Variants in ADGRB3 observed in about 807,000 individuals in gnomAD.
ADGRB3 encodes adhesion G protein-coupled receptor B3.
Under a neutral mutation model 193.4 loss-of-function variants are expected in ADGRB3, and 37 were observed. The ratio of observed to expected loss-of-function variants is 0.19; its 90% confidence interval spans 0.15 to 0.25. The LOEUF (loss-of-function observed/expected upper bound fraction) is 0.25. ADGRB3 is among the 10% of genes least tolerant of loss of function. The pLI, the probability that ADGRB3 is intolerant of heterozygous loss-of-function variation, is 1.00. For synonymous variants in ADGRB3, 690 were observed against 644.2 expected (o/e 1.07, Z -1.08); for missense variants, 1,637 against 1,852.9 (o/e 0.88, Z 2.14).
chr6:69,034,894 G>C (rs1260338896), intron 13 of ADGRB3, among the ~76,000 whole-genome samples: 1 of 151,790 alleles, frequency 6.6e-6, no homozygotes, highest in Non-Finnish European at 1.5e-5. Context: ...TGTGTTTGTG[G>C]GGTTGGAGAG....
chr6:68,738,966 G>A (rs1391781832), intron 3 of ADGRB3, among the ~76,000 whole-genome samples: 3 of 152,110 alleles, frequency 2.0e-5, no homozygotes, highest in East Asian at 1.9e-4. Context: ...TACAGGAAAG[G>A]AGACTAACAT....
chr6:69,060,649 C>T (rs1771721590), intron 15 of ADGRB3, among the ~76,000 whole-genome samples: 2 of 151,800 alleles, frequency 1.3e-5, no homozygotes, highest in Non-Finnish European at 2.9e-5. Flanking sequence ...TAAAGAGAAC[C>T]AGAATAAAGA....
intron 3 of ADGRB3, among the ~76,000 whole-genome samples, chr6:68,771,365 T>G: frequency 6.8e-6 from 1 of 148,002 alleles, no homozygotes; most frequent in African/African-American, 2.5e-5. Context: ...CAGACCATGC[T>G]ATGTGTGCTA....
At chr6:68,775,573 A>G (rs1185787792) in intron 3 of ADGRB3, among the ~76,000 whole-genome samples, 1 of 152,180 alleles carries the variant, frequency 6.6e-6, no homozygotes, top group East Asian at 1.9e-4. Flanking sequence ...AAATGAGTTA[A>G]TACTTATAAA....
chr6:69,179,183 T>TA (rs559828141), intron 17 of ADGRB3, among the ~76,000 whole-genome samples: 41 of 152,222 alleles, frequency 2.7e-4, no homozygotes, highest in Non-Finnish European at 5.4e-4. Context: ...ATTTCATTTT[T>TA]AAAAAAATTA....
At chr6:69,239,087 G>T (rs773847713) in intron 19 of ADGRB3, 37 bp from the exon 20 acceptor site, 2 of 1,274,854 alleles carry the variant, frequency 1.6e-6, no homozygotes, top group Non-Finnish European at 2.3e-6. Flanking sequence ...CTTTCTGTTG[G>T]ATTTTAAAGT....
chr6:68,681,976 A>G (rs909421802), intron 3 of ADGRB3, among the ~76,000 whole-genome samples: 1 of 152,200 alleles, frequency 6.6e-6, no homozygotes, highest in East Asian at 1.9e-4. Context: ...GACAGGTCAA[A>G]TAATAGGAAG....
intron 1 of ADGRB3, 128 bp from the exon 2 acceptor site, chr6:68,637,263 T>G (rs2127273398): frequency 6.6e-6 from 1 of 152,554 alleles, no homozygotes; most frequent in South Asian, 2.1e-4. Flanking sequence ...GGATTTGGTG[T>G]GCATGCGTTG....
At chr6:69,013,635 A>G (rs1207762654) in intron 11 of ADGRB3, among the ~76,000 whole-genome samples, 2 of 152,124 alleles carry the variant, frequency 1.3e-5, no homozygotes, top group Non-Finnish European at 2.9e-5. Flanking sequence ...TTGAAACAAC[A>G]TTGCAATAAC....
intron 3 of ADGRB3, among the ~76,000 whole-genome samples, chr6:68,906,715 G>A (rs538202139): frequency 1.3e-5 from 2 of 151,914 alleles, no homozygotes; most frequent in Non-Finnish European, 2.9e-5. Flanking sequence ...TTATTTGAAT[G>A]GTTAATGGAA....
intron 17 of ADGRB3, among the ~76,000 whole-genome samples, chr6:69,125,005 G>A (rs1045661191): frequency 6.6e-6 from 1 of 152,016 alleles, no homozygotes; most frequent in Non-Finnish European, 1.5e-5. Flanking sequence ...TATGGTGGAA[G>A]TCTTTTTCTC....
chr6:69,027,085 T>C (rs1440119219), intron 13 of ADGRB3, among the ~76,000 whole-genome samples: 1 of 152,216 alleles, frequency 6.6e-6, no homozygotes, highest in South Asian at 2.1e-4. Context: ...AAACTTTTTT[T>C]TAACTTTTGG....
At chr6:69,220,981 G>A (rs1014563802) in intron 17 of ADGRB3, among the ~76,000 whole-genome samples, 12 of 151,774 alleles carry the variant, frequency 7.9e-5, no homozygotes, top group Non-Finnish European at 1.6e-4. Context: ...TCTTAATTGG[G>A]GTTGTCGGTG....
chr6:68,815,262 A>C (rs1767607404), intron 3 of ADGRB3, among the ~76,000 whole-genome samples: 1 of 152,150 alleles, frequency 6.6e-6, no homozygotes, highest in African/African-American at 2.4e-5. Context: ...TGCAGTTCTA[A>C]ACCTTTTCCT....
At chr6:68,940,632 G>A (rs1039274680) in intron 5 of ADGRB3, among the ~76,000 whole-genome samples, 1 of 150,462 alleles carries the variant, frequency 6.6e-6, no homozygotes, top group African/African-American at 2.5e-5. Flanking sequence ...GGGTGCGGTG[G>A]CTCACGCCTG....
At position 68,943,983 on chromosome 6, in the gene ADGRB3, C is replaced by T; in HGVS notation, c.1184C>T (p.Ala395Val). The T allele has an allele frequency of 1.2e-6, 2 of 1,604,028 alleles. No individual in the cohort carries two copies. Among genetic ancestry groups the T allele is most frequent in the Non-Finnish European group, 1.7e-6 (2 of 1,173,110 alleles). ...PETHHKPCNI[A>V]LCPVDGQWQE... ...ACACATCATAAGCCTTGTAATATTG[C>T]TCTTTGCCCAGGTGAGCCTATTCTG... Residue 395 changes from alanine (A) to valine (V), a missense_variant, in exon 6 of 32, where the codon GCT becomes GTT. Ala to Val is a moderately conservative substitution (Grantham distance 64). This residue lies in a region of ADGRB3 where 641 missense variants were observed against 673.9 expected (regional missense o/e 0.95). Transcript: ENST00000370598.
intron 20 of ADGRB3, among the ~76,000 whole-genome samples, chr6:69,307,504 CATT>C (rs201951828): frequency 6.6e-6 from 1 of 151,722 alleles, no homozygotes; most frequent in East Asian, 1.9e-4. Context: ...GGAAAAGTTT[CATT>C]ATAAGCATAG....
intron 17 of ADGRB3, among the ~76,000 whole-genome samples, chr6:69,091,425 G>A (rs6455308): frequency 0.26 from 39,704 of 152,024 alleles, 5,560 homozygotes; most frequent in African/African-American, 0.33. Flanking sequence ...TAAAGAAAAT[G>A]TGGTACATAT....
At chr6:69,366,554 G>GTA (rs1769571656) in intron 29 of ADGRB3, among the ~76,000 whole-genome samples, 1 of 152,052 alleles carries the variant, frequency 6.6e-6, no homozygotes, top group African/African-American at 2.4e-5. Flanking sequence ...CATTCACTAA[G>GTA]TATTCCTTTG....
Sources: allele counts gnomAD v4.1 joint callset (sites outside exome capture counted in the v4.1 genomes callset), GRCh38; gene constraint gnomAD v4.1.1; regional missense constraint gnomAD v4.1.1; transcripts MANE v1.5; gene names NCBI Gene and HGNC (gene_info 2026-07-23, HGNC 2026-07-21).